HYDIN: variants seen among roughly 807,000 people sequenced by gnomAD.
HYDIN encodes HYDIN axonemal central pair apparatus protein.
In HYDIN, 132 loss-of-function variants were observed where a neutral mutation model predicts 403.9. That is an observed-to-expected ratio of 0.33 (90% CI 0.28 to 0.38). HYDIN has a LOEUF of 0.38. Among genes scored for constraint, HYDIN ranks in the 10% least tolerant of loss-of-function variants. The pLI is 1.00. For missense variants in HYDIN, 2,827 were observed against 5,009.5 expected, an observed-to-expected ratio of 0.56 and a Z score of 13.15; for synonymous variants, 1,202 against 1,891.7, an observed-to-expected ratio of 0.64 and a Z score of 9.46.
intron 1 of HYDIN, among the ~76,000 whole-genome samples, chr16:71,215,790 A>AC (rs1341680506): frequency 6.6e-6 from 1 of 151,984 alleles, no homozygotes; most frequent in African/African-American, 2.4e-5. Context: ...TTAAAAAAAA[A>AC]AACAGACAAT....
chr16:70,851,586 C>T lies in HYDIN; in HGVS notation c.12444-931G>A, dbSNP rs543625306. Among the ~76,000 whole-genome samples, 714 of 150,800 alleles carry T rather than the reference C, an allele frequency of 4.7e-3. 3 individuals are homozygous for T. Among genetic ancestry groups the T allele is most frequent in the Non-Finnish European group, 7.5e-3 (509 of 67,772 alleles). The stretch of plus-strand genomic sequence containing the variant: ...AGAAATAAAAAACAACAGATCCTGG[C>T]GAGGCTGCAGAGAAAAGGGAACACT... On this transcript the variant is annotated intron_variant, in intron 73 of 85. Transcript: ENST00000393567.
intron 19 of HYDIN, among the ~76,000 whole-genome samples, chr16:71,030,410 T>C (rs2080864555): frequency 6.6e-6 from 1 of 151,614 alleles, no homozygotes; most frequent in Admixed American, 6.6e-5. Flanking sequence ...TATATGTATA[T>C]GTGTGTGTTG....
At chr16:70,904,745 G>A (rs552274715) in intron 50 of HYDIN, among the ~76,000 whole-genome samples, 19 of 151,220 alleles carry the variant, frequency 1.3e-4, no homozygotes, top group Non-Finnish European at 2.4e-4. Flanking sequence ...CAGATGATCC[G>A]CCTGCCTGGG....
intron 19 of HYDIN, among the ~76,000 whole-genome samples, chr16:71,031,054 G>C (rs9932567): frequency 6.7e-6 from 1 of 150,032 alleles, no homozygotes; most frequent in Non-Finnish European, 1.5e-5. Context: ...CAAAAAATTA[G>C]CCAGGCGTGG....
chr16:70,818,423 G>T lies in HYDIN; in HGVS notation c.14577C>A (p.Pro4859=). 6.2e-7 allele frequency: 1 copy of T among 1,612,864 alleles called. No homozygotes were observed. The change falls in exon 84 of 86, where the codon CCC becomes CCA. Residue 4859 remains proline, a synonymous_variant. Transcript: ENST00000393567. ...SASIKLENPL[P]YSVTFSTECR... ...ATTCCGTGGAGAAGGTCACCGAGTA[G>T]GGCAGAGGGTTCTCCAACTTGATGG... is the stretch of plus-strand genomic sequence containing the variant.
intron 65 of HYDIN, among the ~76,000 whole-genome samples, 160 bp downstream of exon 65, chr16:70,871,877 T>A (rs1384810266): frequency 7.1e-6 from 1 of 141,628 alleles, no homozygotes; most frequent in Non-Finnish European, 1.5e-5. Flanking sequence ...TGAACAGTGT[T>A]CTTTGCTACT....
chr16:70,890,416 T>C (rs1021676620), intron 57 of HYDIN, among the ~76,000 whole-genome samples: 16 of 152,192 alleles, frequency 1.1e-4, no homozygotes, highest in Admixed American at 7.2e-4. Context: ...ATAATCATTA[T>C]AGACATTACA....
intron 1 of HYDIN, among the ~76,000 whole-genome samples, chr16:71,190,538 T>A (rs2087384487): frequency 6.6e-6 from 1 of 152,198 alleles, no homozygotes; most frequent in Non-Finnish European, 1.5e-5. Context: ...AAATAGTTGA[T>A]GAAAGAAAAT....
chr16:71,081,988 T>C (rs1383439175), intron 12 of HYDIN, among the ~76,000 whole-genome samples: 2 of 137,012 alleles, frequency 1.5e-5, no homozygotes, highest in African/African-American at 6.1e-5. Flanking sequence ...TTGTGTTATA[T>C]AACTGGAAGA....
intron 18 of HYDIN, among the ~76,000 whole-genome samples, chr16:71,056,122 G>GT: frequency 7.5e-6 from 1 of 134,062 alleles, no homozygotes. Flanking sequence ...CACATTCTGA[G>GT]ATTTGTTTTT....
chr16:71,081,901 G>A (rs1362514205), intron 12 of HYDIN, among the ~76,000 whole-genome samples: 1 of 126,024 alleles, frequency 7.9e-6, no homozygotes, highest in Non-Finnish European at 1.6e-5. Context: ...ATAAAAATAG[G>A]AGGGAAGAAA....
intron 1 of HYDIN, among the ~76,000 whole-genome samples, chr16:71,210,522 A>G (rs1598039107): frequency 6.6e-6 from 1 of 152,012 alleles, no homozygotes; most frequent in East Asian, 1.9e-4. Context: ...GGGTGGGAGG[A>G]GTGAGAGGTT....
In HYDIN at chr16:70,921,101, G is replaced by A. The variant is rs771201236; in HGVS notation, c.7275C>T (p.Gly2425=). 4.5e-5 allele frequency: 70 copies of A among 1,563,490 alleles called. No homozygotes were observed. Among genetic ancestry groups the A allele is most frequent in the South Asian group, 3.9e-4 (35 of 89,726 alleles). ...GAGGAAGCCCATGCATGCTGACATC[G>A]CCCATGTTCCTTTTCTTCTTATTTA... ...EELNKKKRNM[G]DVSMHGLPLV... Residue 2425 remains glycine, a synonymous_variant, in exon 46 of 86, where the codon GGC becomes GGT. Coordinates refer to ENST00000393567, the MANE Select transcript of HYDIN (RefSeq NM_001270974.2).
intron 80 of HYDIN, 139 bp from the exon 81 acceptor site, chr16:70,829,969 T>A: frequency 1.4e-6 from 1 of 697,596 alleles, no homozygotes. Context: ...CCGTTTCTTT[T>A]TCTTTCATTC....
chr16:70,946,726 A>T (rs1369374518), intron 41 of HYDIN, among the ~76,000 whole-genome samples: 1 of 152,186 alleles, frequency 6.6e-6, no homozygotes, highest in Non-Finnish European at 1.5e-5. Context: ...GTGGGAAAGC[A>T]GGATTGTGAT....
intron 7 of HYDIN, among the ~76,000 whole-genome samples, chr16:71,139,095 GAA>G (rs71758936): frequency 0.093 from 9,663 of 103,380 alleles, 421 homozygotes; most frequent in East Asian, 0.27. Context: ...AAATAAAGAA[GAA>G]AAAAAAAAAA....
chr16:71,202,023 G>A lies in HYDIN; in HGVS notation c.-23-15105C>T, dbSNP rs537429036. Among the ~76,000 whole-genome samples the A allele has an allele frequency of 1.5e-4, 23 of 152,290 alleles. No homozygotes were observed. The South Asian group carries it at 4.8e-3, about 32-fold the overall frequency. The stretch of plus-strand genomic sequence containing the variant: ...ATGCTAATTTAAACATGGCAGACAA[G>A]CTATTTTAAAGCCATGTTTGCCTTA... On this transcript the variant is annotated intron_variant, in intron 1 of 85. Coordinates refer to ENST00000393567, the MANE Select transcript of HYDIN (RefSeq NM_001270974.2).
chr16:70,835,276 G>T (rs1297834642), intron 78 of HYDIN, among the ~76,000 whole-genome samples: 1 of 151,976 alleles, frequency 6.6e-6, no homozygotes, highest in Non-Finnish European at 1.5e-5. Context: ...GATTACAGGC[G>T]TGAGCCACTA....
chr16:70,906,300 G>C (rs2143771075), intron 50 of HYDIN, among the ~76,000 whole-genome samples: 1 of 151,814 alleles, frequency 6.6e-6, no homozygotes, highest in Non-Finnish European at 1.5e-5. Context: ...ATTTCCTCAA[G>C]ATTTTAAACT....
Sources: gnomAD v4.1 joint callset for allele counts (sites outside exome capture counted in the v4.1 genomes callset) on GRCh38, gnomAD v4.1.1 for gene constraint, MANE v1.5 for transcripts, NCBI Gene and HGNC (gene_info 2026-07-23, HGNC 2026-07-21) for gene names.